UGT1A10: variants seen among roughly 807,000 people sequenced by gnomAD.
The protein encoded by UGT1A10 is UDP-glucuronosyltransferase 1A10.
UGT1A10 carries 49 observed loss-of-function variants against 45.8 expected under a neutral mutation model. The ratio of observed to expected loss-of-function variants is 1.07; its 90% confidence interval spans 0.85 to 1.36. UGT1A10 has a LOEUF of 1.36. Among genes scored for constraint, UGT1A10 ranks in the 40% most tolerant of loss-of-function variants. The probability of loss-of-function intolerance (pLI) is 0.00; values close to 1 mark genes in which losing one functional copy is unlikely to be tolerated. For missense variants in UGT1A10, 745 were observed against 668.6 expected, an observed-to-expected ratio of 1.11 and a Z score of -1.26; for synonymous variants, 284 against 249.7, an observed-to-expected ratio of 1.14 and a Z score of -1.29.
intron 1 of UGT1A10, among the ~76,000 whole-genome samples, chr2:233,724,021 G>T (rs2077154615): frequency 1.2e-5 from 1 of 80,748 alleles, no homozygotes; most frequent in African/African-American, 7.3e-5. Context: ...TTGTCATCCT[G>T]GCCCGTTCTC....
In UGT1A10 at chr2:233,636,921, A is replaced by C. The variant is rs1444576027; in HGVS notation, c.399A>C (p.Leu133Phe). The change falls in exon 1 of 5, where the codon TTA (leucine) becomes TTC (phenylalanine). Residue 133 changes from leucine to phenylalanine, a missense_variant. By Grantham distance (22) the Leu-to-Phe change is conservative. Coordinates refer to ENST00000344644, the MANE Select transcript of UGT1A10 (RefSeq NM_019075.4). ...HCRSLFNDRK[L>F]VEYLKESSFD... ...GGAGTTTGTTTAATGACCGAAAATT[A>C]GTAGAATACTTAAAGGAGAGTTCTT... The C allele has an allele frequency of 1.9e-6, 3 of 1,614,166 alleles. No individual in the cohort carries two copies. In the South Asian group the frequency reaches 3.3e-5, roughly 18 times the overall value.
intron 1 of UGT1A10, among the ~76,000 whole-genome samples, chr2:233,650,365 A>T (rs996855134): frequency 2.0e-5 from 3 of 152,236 alleles, no homozygotes; most frequent in Non-Finnish European, 4.4e-5. Context: ...CAACAAGTAG[A>T]AAATTTGTTC....
chr2:233,713,840 C>A (rs149208140), intron 1 of UGT1A10: 1 of 1,614,012 alleles, frequency 6.2e-7, no homozygotes, highest in Non-Finnish European at 8.5e-7. Context: ...ACTGTGCCAA[C>A]GGGAAGCCAC....
In UGT1A10 at chr2:233,754,546, T is replaced by C. The variant is rs548396817; in HGVS notation, c.856-12488T>C. The C allele has an allele frequency of 8.9e-5, 34 of 380,532 alleles. No homozygotes were observed. In the Middle Eastern group the frequency reaches 1.9e-3, roughly 21 times the overall value. 23.6% of individuals were successfully genotyped at this position (380,532 alleles called of 1,614,324 possible). A position where few individuals can be genotyped will look rare whatever the true frequency, so the allele number is the denominator to read the frequency against. On this transcript the variant is annotated intron_variant, in intron 1 of 4. Transcript: ENST00000344644. ...AAAGGCAAATGTGGACTGGAATTAC[T>C]TGGTGTCAATGGGGAGCAACTGCTC...
intron 1 of UGT1A10, chr2:233,743,017 T>G (rs1054805): frequency 8.4e-6 from 2 of 239,502 alleles, no homozygotes; most frequent in African/African-American, 2.3e-5. Flanking sequence ...TTACAACGAT[T>G]GAAAGACAAA....
chr2:233,736,752 G>A (rs2078802513), intron 1 of UGT1A10, among the ~76,000 whole-genome samples: 1 of 152,176 alleles, frequency 6.6e-6, no homozygotes, highest in Non-Finnish European at 1.5e-5. Context: ...CTGTTTGTTA[G>A]TTTTCCTTCT....
chr2:233,747,970 C>G, intron 1 of UGT1A10: 5 of 1,613,476 alleles, frequency 3.1e-6, no homozygotes, highest in Non-Finnish European at 4.2e-6. Flanking sequence ...AGCCATGCAT[C>G]TGTGTGGCTG....
At chr2:233,700,698 TTGAA>T (rs570833581) in intron 1 of UGT1A10, among the ~76,000 whole-genome samples, 4 of 152,222 alleles carry the variant, frequency 2.6e-5, no homozygotes, top group South Asian at 4.2e-4. Context: ...AAACTACACT[TTGAA>T]TGTTTTTTTC....
intron 1 of UGT1A10, among the ~76,000 whole-genome samples, chr2:233,734,813 G>C (rs1170913968): frequency 6.6e-6 from 1 of 152,218 alleles, no homozygotes; most frequent in Non-Finnish European, 1.5e-5. Flanking sequence ...TTTCCATGTA[G>C]TTGTGCGATT....
intron 1 of UGT1A10, among the ~76,000 whole-genome samples, chr2:233,656,571 T>A (rs535838748): frequency 6.6e-6 from 1 of 152,316 alleles, no homozygotes; most frequent in South Asian, 2.1e-4. Flanking sequence ...ATGACTCAAC[T>A]CTTGCCTGGC....
intron 1 of UGT1A10, among the ~76,000 whole-genome samples, chr2:233,638,815 T>C (rs1388904936): frequency 6.6e-6 from 1 of 152,238 alleles, no homozygotes; most frequent in Non-Finnish European, 1.5e-5. Flanking sequence ...GAAATAATGC[T>C]CTTTCTAAAA....
At chr2:233,752,443 A>C (rs2125915696) in intron 1 of UGT1A10, 1 of 152,338 alleles carries the variant, frequency 6.6e-6, no homozygotes, top group Non-Finnish European at 1.5e-5. Flanking sequence ...CTTTTATAAA[A>C]GATGAATACC....
At chr2:233,682,035 T>C (rs776447036) in intron 1 of UGT1A10, 2 of 1,614,106 alleles carry the variant, frequency 1.2e-6, no homozygotes, top group South Asian at 2.2e-5. Context: ...GTAGTGCCCA[T>C]GGATGGGAGC....
intron 1 of UGT1A10, chr2:233,672,583 C>T: frequency 1.2e-6 from 2 of 1,613,952 alleles, no homozygotes; most frequent in South Asian, 1.1e-5. Context: ...CTTGGAGGAA[C>T]ATTTATTATG....
chr2:233,666,391 T>A (rs1284817984), intron 1 of UGT1A10, among the ~76,000 whole-genome samples: 2 of 152,226 alleles, frequency 1.3e-5, no homozygotes, highest in African/African-American at 4.8e-5. Flanking sequence ...TGCAGCTATT[T>A]TAACGGGATG....
Position 233,687,583 on chromosome 2 carries a change from TAAAAAA to T in UGT1A10, c.855+50225_855+50230del, listed in dbSNP as rs71398794. 5.3e-3 allele frequency among the ~76,000 whole-genome samples: 569 copies of T among 107,448 alleles called. 7 individuals are homozygous for T. The highest frequency in any genetic ancestry group is 0.018 in the African/African-American group (528 of 29,724). The allele number at this position is 107,448 out of a possible 152,430, so 70.5% of individuals were successfully genotyped here. A position where few individuals can be genotyped will look rare whatever the true frequency, so the allele number is the denominator to read the frequency against. The stretch of plus-strand genomic sequence containing the variant: ...AGAATTCAAGACCATACATTCTTTG[TAAAAAA>T]AAAAAAAAAAAAAAAAAAGGAAAGA... On this transcript the variant is annotated intron_variant, in intron 1 of 4. Transcript: ENST00000344644.
intron 1 of UGT1A10, among the ~76,000 whole-genome samples, chr2:233,757,306 A>AG (rs1394181032): frequency 1.3e-4 from 1 of 7,676 alleles, no homozygotes. Flanking sequence ...GTTGGGGGAC[A>AG]GGGGGGCTGG....
chr2:233,660,464 A>G (rs555722588), intron 1 of UGT1A10, among the ~76,000 whole-genome samples: 4 of 152,286 alleles, frequency 2.6e-5, no homozygotes, highest in African/African-American at 9.6e-5. Flanking sequence ...TTTAGTGGCA[A>G]GGTATTTCTG....
intron 1 of UGT1A10, among the ~76,000 whole-genome samples, chr2:233,639,561 G>A (rs546353903): frequency 6.6e-6 from 1 of 152,342 alleles, no homozygotes; most frequent in Admixed American, 6.5e-5. Flanking sequence ...TGATGAGAAG[G>A]AAGCATTACT....
Sources: allele counts gnomAD v4.1 joint callset (sites outside exome capture counted in the v4.1 genomes callset), GRCh38; gene constraint gnomAD v4.1.1; transcripts MANE v1.5; gene names NCBI Gene and HGNC (gene_info 2026-07-23, HGNC 2026-07-21).